The following ABAT variants were observed in gnomAD, a reference collection of about 807,000 sequenced individuals.
The protein encoded by ABAT is 4-aminobutyrate aminotransferase, mitochondrial.
Under a neutral mutation model 64.6 loss-of-function variants are expected in ABAT, and 45 were observed. That is an observed-to-expected ratio of 0.70 (90% confidence interval 0.55 to 0.89). The LOEUF is 0.89. ABAT is among the 40% of genes least tolerant of loss of function. ABAT has a pLI of 0.00. For synonymous variants in ABAT, 297 were observed against 250.5 expected (o/e 1.19, Z -1.75); for missense variants, 633 against 658.4 (o/e 0.96, Z 0.42).
chr16:8,770,766 A>C (rs2060083213), intron 11 of ABAT, among the ~76,000 whole-genome samples: 1 of 152,194 alleles, frequency 6.6e-6, no homozygotes. Flanking sequence ...TAAAATTACA[A>C]AGAAATAGGT....
chr16:8,760,686 C>T (rs964891379), intron 6 of ABAT, among the ~76,000 whole-genome samples: 1 of 152,134 alleles, frequency 6.6e-6, no homozygotes, highest in African/African-American at 2.4e-5. Flanking sequence ...GCAGTTGGTG[C>T]TGAAAAAAAA....
chr16:8,732,209 G>GTTTTTTTTTTTTTTTTTTTT (rs2058744926), intron 1 of ABAT, among the ~76,000 whole-genome samples: 2 of 3,346 alleles, frequency 6.0e-4, no homozygotes, highest in Non-Finnish European at 1.3e-3. Flanking sequence ...TTTTTTTTTT[G>GTTTTTTTTTTTTTTTTTTTT]TTTGTTTGTT....
At chr16:8,718,194 A>C (rs2058266599) in intron 1 of ABAT, among the ~76,000 whole-genome samples, 1 of 152,176 alleles carries the variant, frequency 6.6e-6, no homozygotes, top group Non-Finnish European at 1.5e-5. Flanking sequence ...CAAATGTCCA[A>C]CCCAGCAACT....
chr16:8,768,911 A>G lies in ABAT; in HGVS notation c.754A>G (p.Lys252Glu). The change falls in exon 11 of 16, where the codon AAA (lysine) becomes GAA (glutamate). Residue 252 changes from lysine to glutamate, a missense_variant. Physicochemically the swap from Lys to Glu is moderately conservative, Grantham distance 56. Coordinates refer to ENST00000268251, the MANE Select transcript of ABAT (RefSeq NM_020686.6). ...GCCCATCGCACCGTTCCCACGGCTG[A>G]AATACCCTCTGGAAGAGTTTGTGAA... ...DWPIAPFPRL[K>E]YPLEEFVKEN... The G allele has an allele frequency of 1.2e-6, 2 of 1,614,194 alleles. No homozygotes were observed. The highest frequency in any genetic ancestry group is 1.7e-6 in the Non-Finnish European group (2 of 1,180,038).
At chr16:8,757,101 A>G in intron 5 of ABAT, 1 of 453,298 alleles carries the variant, frequency 2.2e-6, no homozygotes, top group South Asian at 1.6e-5. Flanking sequence ...GCAATCCAGC[A>G]CTAGGGCCTG....
At chr16:8,766,797 T>C (rs1364093083) in intron 9 of ABAT, among the ~76,000 whole-genome samples, 1 of 152,080 alleles carries the variant, frequency 6.6e-6, no homozygotes, top group Non-Finnish European at 1.5e-5. Flanking sequence ...GGCGAAACCC[T>C]GTCTCTACTA....
rs558086461 is a variant in ABAT, at chr16:8,679,604, C to G, written c.-42+4893C>G. Reference sequence around the variant, plus strand: ...GGGCCGCTGTGAGGATTACATAAAACCATGTGTTCCGACCCCCAGTACTTA... The same window carrying G: ...GGGCCGCTGTGAGGATTACATAAAAGCATGTGTTCCGACCCCCAGTACTTA... On this transcript the variant is annotated intron_variant, in intron 1 of 15. Transcript: ENST00000268251. Among the ~76,000 whole-genome samples the G allele has an allele frequency of 2.6e-5, 4 of 150,976 alleles. No individual in the cohort carries two copies. In the South Asian group the frequency reaches 8.4e-4, roughly 32 times the overall value.
chr16:8,676,943 G>A (rs2057215853), intron 1 of ABAT, among the ~76,000 whole-genome samples: 1 of 152,174 alleles, frequency 6.6e-6, no homozygotes, highest in African/African-American at 2.4e-5. Flanking sequence ...TGGGCAGCAT[G>A]GTCTGAAGTA....
intron 2 of ABAT, among the ~76,000 whole-genome samples, chr16:8,740,929 T>G (rs1326794131): frequency 6.6e-6 from 1 of 152,262 alleles, no homozygotes; most frequent in African/African-American, 2.4e-5. Flanking sequence ...CAACTCCAGT[T>G]GGACTTGACC....
At chr16:8,699,535 G>T (rs1053981765) in intron 1 of ABAT, among the ~76,000 whole-genome samples, 1 of 151,998 alleles carries the variant, frequency 6.6e-6, no homozygotes, top group Non-Finnish European at 1.5e-5. Context: ...TCCAGCCTGG[G>T]TGACTGACTG....
Position 8,738,616 on chromosome 16 carries a change from G to GGT in ABAT, c.70+2807_70+2808insGT, listed in dbSNP as rs1555488773. On this transcript the variant is annotated intron_variant, in intron 2 of 15. Transcript: ENST00000268251. ...TTTTTTCTTTTTTGTTTTTGTTTTT[G>GGT]TTTTTGTTTTTGTTTTTTTTTTGGT... is the stretch of plus-strand genomic sequence containing the variant. Among the ~76,000 whole-genome samples, 60 of 117,634 alleles carry GGT rather than the reference G, an allele frequency of 5.1e-4. 3 individuals are homozygous for GGT. Among genetic ancestry groups the GGT allele is most frequent in the African/African-American group, 2.1e-3 (55 of 26,254 alleles). The allele number at this position is 117,634 out of a possible 152,430, so 77.2% of individuals were successfully genotyped here.
intron 2 of ABAT, among the ~76,000 whole-genome samples, chr16:8,743,318 CTGTGTGTGTG>C (rs56100974): frequency 3.8e-4 from 54 of 142,606 alleles, no homozygotes; most frequent in African/African-American, 1.3e-3. Context: ...ATGTGTGTCT[CTGTGTGTGTG>C]TGTGTGTGTG....
intron 1 of ABAT, among the ~76,000 whole-genome samples, chr16:8,695,511 T>C (rs1353647984): frequency 6.6e-6 from 1 of 152,188 alleles, no homozygotes; most frequent in Non-Finnish European, 1.5e-5. Flanking sequence ...GTGGCAAGAA[T>C]AGGATGAGTT....
intron 1 of ABAT, among the ~76,000 whole-genome samples, chr16:8,717,222 G>A (rs140888950): frequency 0.017 from 2,592 of 152,184 alleles, 37 homozygotes; most frequent in African/African-American, 0.041. Context: ...CCTGGGAGGC[G>A]AAGGTTGCAG....
Position 8,775,297 on chromosome 16 carries a change from C to G in ABAT, c.1122+240C>G, listed in dbSNP as rs936260487. Among the ~76,000 whole-genome samples the G allele has an allele frequency of 1.4e-4, 21 of 151,072 alleles. 1 individual carries two copies. The stretch of plus-strand genomic sequence containing the variant: ...CCTGTTTTCTCTCTGTGTGCACACA[C>G]AATAATATCATCGACAGCTGCCGCA... On this transcript the variant is annotated intron_variant, in intron 13 of 15. Coordinates refer to ENST00000268251, the MANE Select transcript of ABAT (RefSeq NM_020686.6).
intron 5 of ABAT, chr16:8,757,309 A>G (rs1007793027): frequency 7.9e-6 from 3 of 379,346 alleles, no homozygotes; most frequent in Non-Finnish European, 1.0e-5. Context: ...CTGGGATTAC[A>G]GGCACGTGCT....
intron 1 of ABAT, among the ~76,000 whole-genome samples, chr16:8,691,868 G>A (rs963230698): frequency 9.8e-5 from 15 of 152,292 alleles, no homozygotes; most frequent in African/African-American, 2.2e-4. Context: ...TCCTCCCTCC[G>A]CAACAAAGAA....
chr16:8,755,816 G>A (rs1443074387), intron 5 of ABAT, among the ~76,000 whole-genome samples: 1 of 152,180 alleles, frequency 6.6e-6, no homozygotes, highest in Non-Finnish European at 1.5e-5. Context: ...TTGGGAGGCC[G>A]AGGTGGGTGG....
At position 8,676,918 on chromosome 16, in the gene ABAT, C is replaced by T. The variant is rs546343286; in HGVS notation, c.-42+2207C>T. Reference sequence around the variant, plus strand: ...AAGAGCTGAAATTCTGGCAGATTCTCTAGGACCACCCAGCTGGGCAGCATG... The same window carrying T: ...AAGAGCTGAAATTCTGGCAGATTCTTTAGGACCACCCAGCTGGGCAGCATG... On this transcript the variant is annotated intron_variant, in intron 1 of 15. Coordinates refer to ENST00000268251, the MANE Select transcript of ABAT (RefSeq NM_020686.6). 9.2e-5 allele frequency among the ~76,000 whole-genome samples: 14 copies of T among 152,344 alleles called. 1 individual carries two copies. In the South Asian group the frequency reaches 2.9e-3, roughly 32 times the overall value.
Sources: allele counts gnomAD v4.1 joint callset (sites outside exome capture counted in the v4.1 genomes callset), GRCh38; gene constraint gnomAD v4.1.1; transcripts MANE v1.5; gene names NCBI Gene and HGNC (gene_info 2026-07-23, HGNC 2026-07-21).